The following MCUB variants were observed in gnomAD, a reference collection of about 807,000 sequenced individuals.
MCUB encodes mitochondrial calcium uniporter dominant negative subunit beta.
Under a neutral mutation model 41.4 loss-of-function variants are expected in MCUB, and 46 were observed. The ratio of observed to expected loss-of-function variants is 1.11; its 90% confidence interval spans 0.88 to 1.42. The LOEUF (loss-of-function observed/expected upper bound fraction) is 1.42, where lower values mean the gene tolerates loss of function less well. MCUB is among the 40% of genes most tolerant of loss of function. MCUB has a pLI of 0.00. For missense variants in MCUB, 403 were observed against 404.9 expected, an observed-to-expected ratio of 1.00 and a Z score of 0.04; for synonymous variants, 148 against 148.2, an observed-to-expected ratio of 1.00 and a Z score of 0.01.
intron 1 of MCUB, among the ~76,000 whole-genome samples, chr4:109,627,958 A>G (rs1297654444): frequency 6.6e-6 from 1 of 151,674 alleles, no homozygotes; most frequent in African/African-American, 2.4e-5. Context: ...TTGAAGTTTT[A>G]GTAGGGAGAA....
chr4:109,597,148 G>A (rs536633547), intron 1 of MCUB, among the ~76,000 whole-genome samples: 35 of 151,020 alleles, frequency 2.3e-4, no homozygotes, highest in East Asian at 5.9e-4. Context: ...ACACAGACAC[G>A]GCAACCATCC....
At chr4:109,621,871 T>C (rs1355754560) in intron 1 of MCUB, among the ~76,000 whole-genome samples, 2 of 152,100 alleles carry the variant, frequency 1.3e-5, no homozygotes, top group Non-Finnish European at 2.9e-5. Flanking sequence ...GTGGGGATTT[T>C]AGGACTTTTT....
chr4:109,611,475 G>A (rs932312095), intron 1 of MCUB, among the ~76,000 whole-genome samples: 5 of 152,174 alleles, frequency 3.3e-5, no homozygotes, highest in Non-Finnish European at 5.9e-5. Flanking sequence ...GTCTTGGGAG[G>A]CTAGGGCTTT....
chr4:109,630,113 A>G (rs1313367015), intron 1 of MCUB, among the ~76,000 whole-genome samples: 1 of 151,734 alleles, frequency 6.6e-6, no homozygotes. Context: ...GACCAAATAT[A>G]TATTTCATAG....
At chr4:109,622,030 C>T (rs1039399179) in intron 1 of MCUB, among the ~76,000 whole-genome samples, 30 of 151,336 alleles carry the variant, frequency 2.0e-4, no homozygotes, top group Non-Finnish European at 3.1e-4. Flanking sequence ...TACAGGCACC[C>T]GCCACCATGC....
intron 2 of MCUB, 28 bp from the exon 3 acceptor site, chr4:109,660,167 C>T (rs1729196180): frequency 4.2e-6 from 4 of 953,984 alleles, no homozygotes; most frequent in South Asian, 1.8e-5. Context: ...AAAATTTACT[C>T]ATTTTTTTTT....
chr4:109,607,761 A>G (rs1267472365), intron 1 of MCUB, among the ~76,000 whole-genome samples: 1 of 152,130 alleles, frequency 6.6e-6, no homozygotes, highest in Non-Finnish European at 1.5e-5. Context: ...TGCTAGACAT[A>G]TTGGAACTCT....
chr4:109,595,021 A>G (rs1195683150), intron 1 of MCUB, among the ~76,000 whole-genome samples: 1 of 151,872 alleles, frequency 6.6e-6, no homozygotes, highest in Admixed American at 6.6e-5. Flanking sequence ...TTCTGACACC[A>G]TTTATTCCAA....
chr4:109,561,646 TTTACTG>T (rs1423657325), intron 1 of MCUB, among the ~76,000 whole-genome samples: 1 of 152,206 alleles, frequency 6.6e-6, no homozygotes, highest in Non-Finnish European at 1.5e-5. Flanking sequence ...AGGTTGTACT[TTTACTG>T]TAAGTGTTGC....
intron 1 of MCUB, among the ~76,000 whole-genome samples, chr4:109,645,149 A>T (rs1031860925): frequency 2.6e-5 from 4 of 152,018 alleles, no homozygotes; most frequent in Middle Eastern, 3.2e-3. Flanking sequence ...TCTCTCCTTT[A>T]TTCTTTTTCT....
rs1396948550 is a variant in MCUB at position 109,577,770 on chromosome 4, C to T, written c.99+17334C>T. 5.0e-4 allele frequency among the ~76,000 whole-genome samples: 41 copies of T among 81,714 alleles called. 12 individuals are homozygous for T. The highest frequency in any genetic ancestry group is 1.7e-3 in the African/African-American group (39 of 22,782). 53.6% of individuals were successfully genotyped at this position (81,714 alleles called of 152,430 possible). A position where few individuals can be genotyped will look rare whatever the true frequency, so the allele number is the denominator to read the frequency against. On this transcript the variant is annotated intron_variant, in intron 1 of 7. Transcript: ENST00000394650. ...GGACTACAGGCGCCCGCCACCTCGC[C>T]CGGCTAATTTTTTGTATTTTTAGTA...
At chr4:109,567,131 CA>C (rs397994929) in intron 1 of MCUB, among the ~76,000 whole-genome samples, 2,037 of 55,906 alleles carry the variant, frequency 0.036, 19 homozygotes, top group African/African-American at 0.078. Context: ...GACTCCATCT[CA>C]AAAAAAAAAA....
intron 1 of MCUB, among the ~76,000 whole-genome samples, chr4:109,566,286 G>C (rs1031800617): frequency 6.6e-6 from 1 of 151,592 alleles, no homozygotes. Context: ...TGGCTAACAC[G>C]GTGAAACCCC....
intron 1 of MCUB, among the ~76,000 whole-genome samples, chr4:109,627,683 T>C (rs1360989234): frequency 6.6e-6 from 1 of 152,084 alleles, no homozygotes; most frequent in African/African-American, 2.4e-5. Flanking sequence ...GAGACCAAGG[T>C]AGGCGGATCA....
chr4:109,572,803 T>C (rs1306035785), intron 1 of MCUB, among the ~76,000 whole-genome samples: 3 of 152,154 alleles, frequency 2.0e-5, no homozygotes, highest in Non-Finnish European at 4.4e-5. Flanking sequence ...TTCATACTAC[T>C]ACAATATAAT....
intron 4 of MCUB, among the ~76,000 whole-genome samples, chr4:109,673,519 C>G (rs1354953686): frequency 2.0e-5 from 3 of 152,116 alleles, no homozygotes; most frequent in Non-Finnish European, 4.4e-5. Context: ...TCAGACTTGC[C>G]AAGTCTCACA....
intron 1 of MCUB, among the ~76,000 whole-genome samples, chr4:109,638,411 TAAAAAA>T (rs60114567): frequency 8.7e-5 from 12 of 138,338 alleles, no homozygotes; most frequent in African/African-American, 2.9e-4. Context: ...GCATTATATC[TAAAAAA>T]AAAAAAAAAA....
At chr4:109,655,188 A>AT (rs1377097729) in intron 1 of MCUB, among the ~76,000 whole-genome samples, 2 of 152,268 alleles carry the variant, frequency 1.3e-5, no homozygotes, top group African/African-American at 2.4e-5. Context: ...TAAGAGATAC[A>AT]TAAAGCAAGG....
intron 4 of MCUB, among the ~76,000 whole-genome samples, chr4:109,672,070 A>T (rs1181482237): frequency 1.3e-5 from 2 of 151,794 alleles, no homozygotes; most frequent in African/African-American, 4.8e-5. Context: ...CTATAATCTT[A>T]TTATTAAATA....
Sources: allele counts gnomAD v4.1 joint callset (sites outside exome capture counted in the v4.1 genomes callset), GRCh38; gene constraint gnomAD v4.1.1; transcripts MANE v1.5; gene names NCBI Gene and HGNC (gene_info 2026-07-23, HGNC 2026-07-21).